SGK3: variants seen among roughly 807,000 people sequenced by gnomAD.
SGK3 encodes the protein serum/glucocorticoid regulated kinase family member 3.
SGK3 carries 47 observed loss-of-function variants against 68.5 expected under a neutral mutation model. The observed-to-expected ratio is 0.69, with a 90% CI of 0.54 to 0.87. The LOEUF (loss-of-function observed/expected upper bound fraction) is 0.87, where lower values mean the gene tolerates loss of function less well. SGK3 is among the 40% of genes least tolerant of loss of function. The probability of loss-of-function intolerance (pLI) is 0.00; values close to 1 mark genes in which losing one functional copy is unlikely to be tolerated. For synonymous variants in SGK3, 181 were observed against 189.1 expected (o/e 0.96, Z 0.35); for missense variants, 479 against 575.5 (o/e 0.83, Z 1.72).
At chr8:66,827,304 C>A (rs1039410840) in intron 6 of SGK3, among the ~76,000 whole-genome samples, 1 of 149,886 alleles carries the variant, frequency 6.7e-6, no homozygotes, top group Non-Finnish European at 1.5e-5. Context: ...ATCGTTTGAA[C>A]CAAGGAGGTG....
At chr8:66,762,629 A>G (rs759966849) in intron 1 of SGK3, among the ~76,000 whole-genome samples, 4 of 152,196 alleles carry the variant, frequency 2.6e-5, no homozygotes, top group Non-Finnish European at 5.9e-5. Context: ...TCATGTTTGA[A>G]TTCTCAAATT....
chr8:66,742,241 T>A (rs1805502404), intron 1 of SGK3, among the ~76,000 whole-genome samples: 1 of 152,196 alleles, frequency 6.6e-6, no homozygotes, highest in Non-Finnish European at 1.5e-5. Flanking sequence ...GCCTAAACTG[T>A]TCAAATCATT....
chr8:66,742,461 G>A (rs1805510867), intron 1 of SGK3, among the ~76,000 whole-genome samples: 1 of 152,000 alleles, frequency 6.6e-6, no homozygotes, highest in Non-Finnish European at 1.5e-5. Flanking sequence ...CAAACTCTTG[G>A]CCCCAAGGGA....
chr8:66,767,701 T>C (rs879060935), intron 1 of SGK3: 5 of 1,456,944 alleles, frequency 3.4e-6, no homozygotes, highest in East Asian at 2.3e-5. Flanking sequence ...AGGAACAGAG[T>C]TTTTTGCTTT....
At chr8:66,768,006 T>A in intron 1 of SGK3, 1 of 760,978 alleles carries the variant, frequency 1.3e-6, no homozygotes, top group Non-Finnish European at 2.4e-6. Context: ...GAGTAGCCAT[T>A]CTGGATTATT....
intron 13 of SGK3, 32 bp downstream of exon 13, chr8:66,841,142 A>G: frequency 6.8e-7 from 1 of 1,462,346 alleles, no homozygotes; most frequent in South Asian, 1.4e-5. Context: ...CATTTATATA[A>G]TCATGTATAA....
At chr8:66,779,630 T>TA (rs1465735653) in intron 1 of SGK3, among the ~76,000 whole-genome samples, 1 of 144,374 alleles carries the variant, frequency 6.9e-6, no homozygotes, top group African/African-American at 2.5e-5. Context: ...ATATACGTTT[T>TA]ATACATATAC....
Position 66,859,768 on chromosome 8 carries a change from A to G in SGK3, c.*187A>G. On this transcript the variant is annotated 3_prime_UTR_variant, in exon 17 of 17. Transcript: ENST00000521198. ...TAGGGCATTTCAAAGAGCTGTTTTG[A>G]TTAAAATTTATATTCTTGTTTAATA... The G allele has an allele frequency of 1.8e-6, 1 of 568,906 alleles. No homozygotes were observed. The highest frequency in any genetic ancestry group is 2.7e-6 in the Non-Finnish European group (1 of 370,198). 35.2% of individuals were successfully genotyped at this position (568,906 alleles called of 1,614,324 possible).
chr8:66,732,082 A>G (rs1435851963), intron 1 of SGK3, among the ~76,000 whole-genome samples: 1 of 152,212 alleles, frequency 6.6e-6, no homozygotes, highest in African/African-American at 2.4e-5. Flanking sequence ...CATCTTCACG[A>G]CAATTAGAAA....
At chr8:66,775,532 C>T (rs1026153514) in intron 1 of SGK3, 1 of 152,242 alleles carries the variant, frequency 6.6e-6, no homozygotes, top group African/African-American at 2.4e-5. Context: ...GCTCCACACC[C>T]GGGCGTGCTG....
chr8:66,806,714 G>A (rs1385869748), intron 4 of SGK3, among the ~76,000 whole-genome samples: 2 of 151,840 alleles, frequency 1.3e-5, no homozygotes, highest in Admixed American at 6.6e-5. Flanking sequence ...TCGGGAGGCT[G>A]GAGCAAGAGA....
intron 1 of SGK3, among the ~76,000 whole-genome samples, chr8:66,718,307 G>A (rs1438293380): frequency 6.6e-6 from 1 of 151,978 alleles, no homozygotes; most frequent in African/African-American, 2.4e-5. Flanking sequence ...TTACAGGCAT[G>A]ACTCACCGCT....
chr8:66,799,832 G>A (rs777074180), intron 3 of SGK3, among the ~76,000 whole-genome samples: 1 of 152,020 alleles, frequency 6.6e-6, no homozygotes, highest in South Asian at 2.1e-4. Flanking sequence ...CCATGTTGGC[G>A]AGGCTGGTCT....
rs1050997629 is a variant in SGK3, at chr8:66,793,971, C to T, written c.96+139C>T. 8 of 905,202 alleles carry T rather than the reference C, an allele frequency of 8.8e-6. No individual in the cohort carries two copies. The Admixed American group carries it at 1.8e-4, about 21-fold the overall frequency. The allele number at this position is 905,202 out of a possible 1,614,324, so 56.1% of individuals were successfully genotyped here. A position where few individuals can be genotyped will look rare whatever the true frequency, so the allele number is the denominator to read the frequency against. On this transcript the variant is annotated intron_variant, in intron 2 of 16. Coordinates refer to ENST00000521198, the MANE Select transcript of SGK3 (RefSeq NM_001033578.3). ...TTTTACTTCTTTCACATGATCTGTT[C>T]TCCACAAAGTCTTCTGTGGCTACCG...
chr8:66,769,942 T>A (rs540589104), intron 1 of SGK3, among the ~76,000 whole-genome samples: 1 of 151,974 alleles, frequency 6.6e-6, no homozygotes, highest in East Asian at 1.9e-4. Flanking sequence ...TGCAGGTCAG[T>A]TTTAGTGATT....
At position 66,793,786 on chromosome 8, in the gene SGK3, G is replaced by A. The variant is rs1807561283; in HGVS notation, c.50G>A (p.Ser17Asn). The A allele has an allele frequency of 6.2e-7, 1 of 1,613,294 alleles. No homozygotes were observed. Among genetic ancestry groups the A allele is most frequent in the Non-Finnish European group, 8.5e-7 (1 of 1,179,622 alleles). Reference sequence around the variant, plus strand: ...TACAAGGAAAGCTGCCCAAGTGTAAGCATTCCCAGCTCCGATGAACACAGA... The same window carrying A: ...TACAAGGAAAGCTGCCCAAGTGTAAACATTCCCAGCTCCGATGAACACAGA... The part of the protein sequence containing the change: ...MDYKESCPSV[S>N]IPSSDEHREK... The change falls in exon 2 of 17, where the codon AGC (serine) becomes AAC (asparagine). Residue 17 changes from serine to asparagine, a missense_variant. By Grantham distance (46) the Ser-to-Asn change is conservative. Coordinates refer to ENST00000521198, the MANE Select transcript of SGK3 (RefSeq NM_001033578.3).
intron 1 of SGK3, among the ~76,000 whole-genome samples, chr8:66,749,016 GC>G (rs1563608131): frequency 2.0e-5 from 3 of 151,988 alleles, no homozygotes; most frequent in African/African-American, 7.3e-5. Flanking sequence ...CATCTCAGCC[GC>G]TTGAGTAGCT....
intron 6 of SGK3, among the ~76,000 whole-genome samples, chr8:66,824,223 A>G (rs569908394): frequency 1.3e-5 from 2 of 152,336 alleles, no homozygotes; most frequent in South Asian, 2.1e-4. Context: ...TAGCTGGTCA[A>G]AAGAGAAACA....
chr8:66,720,890 G>T (rs1286402110), intron 1 of SGK3, among the ~76,000 whole-genome samples: 1 of 152,124 alleles, frequency 6.6e-6, no homozygotes, highest in South Asian at 2.1e-4. Flanking sequence ...AGGTTTCAGT[G>T]AGCTGGGATC....
Sources: gnomAD v4.1 joint callset for allele counts (sites outside exome capture counted in the v4.1 genomes callset) on GRCh38, gnomAD v4.1.1 for gene constraint, MANE v1.5 for transcripts, NCBI Gene and HGNC (gene_info 2026-07-23, HGNC 2026-07-21) for gene names.